The following NRG3 variants were observed in gnomAD, a reference collection of about 807,000 sequenced individuals.
The protein encoded by NRG3 is pro-neuregulin-3, membrane-bound isoform.
NRG3 carries 31 observed loss-of-function variants against 66.9 expected under a neutral mutation model. The observed-to-expected ratio is 0.46, with a 90% CI of 0.35 to 0.63. The LOEUF (loss-of-function observed/expected upper bound fraction) is 0.63, where lower values mean the gene tolerates loss of function less well. Ranked by LOEUF, NRG3 falls within the 20% of genes least tolerant of loss-of-function variation. NRG3 has a pLI of 0.00. For missense variants in NRG3, 910 were observed against 878.9 expected (o/e 1.04, Z -0.45); for synonymous variants, 393 against 359.4 (o/e 1.09, Z -1.06).
intron 2 of NRG3, among the ~76,000 whole-genome samples, chr10:82,380,082 G>T (rs542814989): frequency 1.3e-5 from 2 of 152,070 alleles, no homozygotes; most frequent in Admixed American, 6.5e-5. Flanking sequence ...ACCACAGTTT[G>T]TTGGATATTT....
chr10:82,312,901 C>T lies in NRG3; in HGVS notation c.824-45838C>T, dbSNP rs142783767. On this transcript the variant is annotated intron_variant, in intron 1 of 8. Transcript: ENST00000372141. ...GGATTGATAATTAATTGTTGGCTGTCAACGGTGGCTCATGCCTGTAATTCC... is the reference window on the plus strand; with the variant it reads ...GGATTGATAATTAATTGTTGGCTGTTAACGGTGGCTCATGCCTGTAATTCC... 3.9e-3 allele frequency among the ~76,000 whole-genome samples: 587 copies of T among 152,080 alleles called. 4 individuals are homozygous for T. The highest frequency in any genetic ancestry group is 0.014 in the African/African-American group (563 of 41,476).
At chr10:82,256,396 A>C (rs1295354981) in intron 1 of NRG3, among the ~76,000 whole-genome samples, 1 of 152,252 alleles carries the variant, frequency 6.6e-6, no homozygotes, top group South Asian at 2.1e-4. Flanking sequence ...TATACTGTAG[A>C]GTGCTCCACA....
intron 1 of NRG3, among the ~76,000 whole-genome samples, chr10:82,306,659 G>A (rs1027324210): frequency 1.2e-4 from 16 of 132,200 alleles, no homozygotes; most frequent in South Asian, 2.5e-4. Flanking sequence ...AGCCGAGATC[G>A]CGCCACTGCA....
chr10:81,919,783 GGTATCACCTCAGAA>G, intron 1 of NRG3, among the ~76,000 whole-genome samples: 1 of 152,112 alleles, frequency 6.6e-6, no homozygotes, highest in Non-Finnish European at 1.5e-5. Flanking sequence ...AATGTCCAGA[GGTATCACCTCAGAA>G]GTTGGTCTGA....
Position 82,549,400 on chromosome 10 carries a change from C to A in NRG3, c.954-189177C>A, listed in dbSNP as rs74686894. ...TGATTCTAGCAGACAATGGGTGAGACACGAAATGGTTTCAAGTAATCCTGG... is the reference window on the plus strand; with the variant it reads ...TGATTCTAGCAGACAATGGGTGAGAAACGAAATGGTTTCAAGTAATCCTGG... On this transcript the variant is annotated intron_variant, in intron 2 of 8. Coordinates refer to ENST00000372141, the MANE Select transcript of NRG3 (RefSeq NM_001010848.4). Among the ~76,000 whole-genome samples, 924 of 152,224 alleles carry A rather than the reference C, an allele frequency of 6.1e-3. 18 individuals are homozygous for A. The highest frequency in any genetic ancestry group is 0.039 in the East Asian group (204 of 5,172).
chr10:82,684,476 C>T (rs1248516579), intron 2 of NRG3, among the ~76,000 whole-genome samples: 1 of 152,154 alleles, frequency 6.6e-6, no homozygotes, highest in East Asian at 1.9e-4. Context: ...CCATTGAAAA[C>T]CAAATTTCAA....
intron 3 of NRG3, among the ~76,000 whole-genome samples, chr10:82,823,657 G>T (rs193178): frequency 0.25 from 38,664 of 151,698 alleles, 5,430 homozygotes; most frequent in African/African-American, 0.36. Context: ...TTGCCTTTGC[G>T]GAGGAGAGCT....
At chr10:82,082,181 TTTG>T (rs1377784877) in intron 1 of NRG3, among the ~76,000 whole-genome samples, 1 of 152,184 alleles carries the variant, frequency 6.6e-6, no homozygotes, top group Admixed American at 6.5e-5. Context: ...TGCTTTCCTC[TTTG>T]TTGTTGTAAG....
chr10:82,190,617 G>A (rs1048784874), intron 1 of NRG3, among the ~76,000 whole-genome samples: 7 of 152,150 alleles, frequency 4.6e-5, no homozygotes, highest in African/African-American at 1.7e-4. Flanking sequence ...ACTGTTCACA[G>A]ACAAGCTTTC....
chr10:82,496,115 A>G (rs907768529), intron 2 of NRG3, among the ~76,000 whole-genome samples: 1 of 152,204 alleles, frequency 6.6e-6, no homozygotes, highest in Admixed American at 6.5e-5. Context: ...CATGCAATTG[A>G]TGTGATATAT....
At chr10:81,877,758 C>T (rs1006845447) in intron 1 of NRG3, 6 of 1,352,382 alleles carry the variant, frequency 4.4e-6, no homozygotes, top group South Asian at 1.9e-5. Context: ...CTGCTTCTCT[C>T]TCCTTTGGCT....
intron 1 of NRG3, among the ~76,000 whole-genome samples, chr10:82,287,445 A>T (rs776976147): frequency 6.6e-6 from 1 of 151,866 alleles, no homozygotes; most frequent in African/African-American, 2.4e-5. Context: ...TTTGTAAATT[A>T]CCCAGTCTCA....
At position 82,533,921 on chromosome 10, in the gene NRG3, T is replaced by TA. The variant is rs148531530; in HGVS notation, c.953+175059dup. Among the ~76,000 whole-genome samples, 669 of 152,116 alleles carry TA rather than the reference T, an allele frequency of 4.4e-3. 5 individuals are homozygous for TA. The highest frequency in any genetic ancestry group is 0.016 in the African/African-American group (645 of 41,522). The stretch of plus-strand genomic sequence containing the variant: ...AAATGAATTCAGCAAAGTTGTAAGA[T>TA]AAAAAACCATATCCAAAAATTAGTT... On this transcript the variant is annotated intron_variant, in intron 2 of 8. Transcript: ENST00000372141.
chr10:81,939,601 A>G (rs1490019053), intron 1 of NRG3, among the ~76,000 whole-genome samples: 2 of 150,752 alleles, frequency 1.3e-5, no homozygotes, highest in Non-Finnish European at 3.0e-5. Context: ...TTTCTGTGGC[A>G]TCAGTTGTAA....
chr10:81,996,496 T>C (rs2060944973), intron 1 of NRG3, among the ~76,000 whole-genome samples: 1 of 152,250 alleles, frequency 6.6e-6, no homozygotes, highest in South Asian at 2.1e-4. Flanking sequence ...GGTGCAGGAC[T>C]ATATTCTGAC....
chr10:82,520,197 A>G (rs574889110), intron 2 of NRG3, among the ~76,000 whole-genome samples: 4 of 149,602 alleles, frequency 2.7e-5, no homozygotes, highest in East Asian at 3.9e-4. Context: ...AGCCCTGTAA[A>G]TGTTATTTCA....
chr10:82,717,283 G>A (rs1207421530), intron 2 of NRG3, among the ~76,000 whole-genome samples: 3 of 151,668 alleles, frequency 2.0e-5, no homozygotes, highest in African/African-American at 7.3e-5. Context: ...TCATGACTTT[G>A]GAATACTATG....
At chr10:82,837,495 A>G (rs1179591088) in intron 3 of NRG3, among the ~76,000 whole-genome samples, 3 of 152,178 alleles carry the variant, frequency 2.0e-5, no homozygotes, top group African/African-American at 7.2e-5. Context: ...AAGAAATGGC[A>G]TATAATTATT....
intron 2 of NRG3, among the ~76,000 whole-genome samples, chr10:82,508,747 G>A (rs1268054127): frequency 6.6e-6 from 1 of 152,080 alleles, no homozygotes; most frequent in Non-Finnish European, 1.5e-5. Flanking sequence ...GTGGGATGCT[G>A]GAACGATAAG....
Sources: gnomAD v4.1 joint callset for allele counts (sites outside exome capture counted in the v4.1 genomes callset) on GRCh38, gnomAD v4.1.1 for gene constraint, MANE v1.5 for transcripts, NCBI Gene and HGNC (gene_info 2026-07-23, HGNC 2026-07-21) for gene names.